Variants in EPHB1 observed in about 807,000 individuals in gnomAD.
EPHB1 encodes the protein ephrin type-B receptor 1.
EPHB1 carries 30 observed loss-of-function variants against 94.4 expected under a neutral mutation model. The ratio of observed to expected loss-of-function variants is 0.32; its 90% CI spans 0.24 to 0.43. EPHB1 has a LOEUF of 0.43. Among genes scored for constraint, EPHB1 ranks in the 20% least tolerant of loss-of-function variants. EPHB1 has a pLI of 1.00. For missense variants in EPHB1, 1,055 were observed against 1,308.3 expected (o/e 0.81, Z 2.99); for synonymous variants, 522 against 489.1 (o/e 1.07, Z -0.89).
intron 5 of EPHB1, among the ~76,000 whole-genome samples, chr3:135,148,986 TTCTTTGC>T: frequency 6.6e-6 from 1 of 152,380 alleles, no homozygotes; most frequent in East Asian, 1.9e-4. Context: ...GATGACACTC[TTCTTTGC>T]TCTTTGCTCT....
At chr3:134,861,906 A>T (rs546287519) in intron 1 of EPHB1, among the ~76,000 whole-genome samples, 27 of 152,226 alleles carry the variant, frequency 1.8e-4, no homozygotes, top group African/African-American at 6.3e-4. Context: ...AAAAAAGAGA[A>T]TAGCTTATGT....
At chr3:135,203,264 G>A (rs2107713667) in intron 12 of EPHB1, among the ~76,000 whole-genome samples, 1 of 152,272 alleles carries the variant, frequency 6.6e-6, no homozygotes, top group Middle Eastern at 3.4e-3. Context: ...GGAGCAAGGG[G>A]AGGGAGAGCA....
At chr3:135,070,930 A>G (rs1307983540) in intron 3 of EPHB1, among the ~76,000 whole-genome samples, 1 of 152,160 alleles carries the variant, frequency 6.6e-6, no homozygotes, top group East Asian at 1.9e-4. Flanking sequence ...TGCACATAGT[A>G]AAAAATGATG....
intron 1 of EPHB1, among the ~76,000 whole-genome samples, chr3:134,811,242 G>T (rs1294480899): frequency 5.4e-5 from 4 of 73,896 alleles, no homozygotes; most frequent in Admixed American, 2.0e-4. Context: ...TACTAAGAAG[G>T]TTTTTTTTTT....
chr3:135,092,596 A>G (rs886293902), intron 3 of EPHB1, among the ~76,000 whole-genome samples: 2 of 152,094 alleles, frequency 1.3e-5, no homozygotes, highest in African/African-American at 4.8e-5. Flanking sequence ...TCTGGAGTCC[A>G]ACAACTTTCC....
At chr3:135,153,785 T>C (rs1269051986) in intron 5 of EPHB1, among the ~76,000 whole-genome samples, 1 of 152,110 alleles carries the variant, frequency 6.6e-6, no homozygotes, top group East Asian at 1.9e-4. Context: ...AAGACTGAGG[T>C]TCCTTCAACA....
intron 3 of EPHB1, among the ~76,000 whole-genome samples, chr3:135,054,262 G>T (rs1327335113): frequency 6.6e-6 from 1 of 152,134 alleles, no homozygotes; most frequent in East Asian, 1.9e-4. Flanking sequence ...AATTCTGCCA[G>T]CAGACTTCCT....
chr3:134,957,392 C>T (rs1204641103), intron 3 of EPHB1, among the ~76,000 whole-genome samples: 2 of 152,274 alleles, frequency 1.3e-5, no homozygotes, highest in South Asian at 4.1e-4. Context: ...CAGGATGAAC[C>T]TGGGTGCCTG....
intron 6 of EPHB1, among the ~76,000 whole-genome samples, chr3:135,161,744 A>G (rs192247602): frequency 1.7e-4 from 26 of 152,298 alleles, no homozygotes; most frequent in African/African-American, 5.5e-4. Flanking sequence ...GAGAATGACA[A>G]TAAGCTTCCT....
chr3:135,255,191 G>GT (rs1389313483), intron 15 of EPHB1, among the ~76,000 whole-genome samples: 3 of 151,860 alleles, frequency 2.0e-5, no homozygotes, highest in Admixed American at 6.6e-5. Flanking sequence ...TTTTTGAAGG[G>GT]TTTTTTATGT....
chr3:135,140,991 A>G (rs1450146983), intron 5 of EPHB1, among the ~76,000 whole-genome samples: 1 of 152,154 alleles, frequency 6.6e-6, no homozygotes. Context: ...AATAAAGGCA[A>G]TGCTGGACCA....
chr3:135,100,047 A>G (rs990962233), intron 3 of EPHB1, among the ~76,000 whole-genome samples: 4 of 152,332 alleles, frequency 2.6e-5, no homozygotes, highest in Admixed American at 2.0e-4. Flanking sequence ...ATTCATTGGC[A>G]TGAACCTTTG....
chr3:134,971,999 A>G (rs1370959514), intron 3 of EPHB1, among the ~76,000 whole-genome samples: 1 of 152,178 alleles, frequency 6.6e-6, no homozygotes, highest in African/African-American at 2.4e-5. Context: ...GAAGACTCCC[A>G]TTAACACTTA....
At position 135,144,131 on chromosome 3, in the gene EPHB1, G is replaced by C. The variant is rs1466183200; in HGVS notation, c.1298-10021G>C. On this transcript the variant is annotated intron_variant, in intron 5 of 15. Transcript: ENST00000398015. The stretch of plus-strand genomic sequence containing the variant: ...GGCTCTGGAAATGCAGAGTGCATGA[G>C]TTGTGGGGAGGGAGCCCTACACTGA... Among the ~76,000 whole-genome samples, 6 of 152,168 alleles carry C rather than the reference G, an allele frequency of 3.9e-5. No homozygotes were observed. In the East Asian group the frequency reaches 1.2e-3, roughly 29 times the overall value.
chr3:134,813,827 C>A (rs2036219005), intron 1 of EPHB1, among the ~76,000 whole-genome samples: 1 of 152,174 alleles, frequency 6.6e-6, no homozygotes, highest in Non-Finnish European at 1.5e-5. Flanking sequence ...GGGGAGGTGA[C>A]ACATGACAAG....
intron 5 of EPHB1, among the ~76,000 whole-genome samples, chr3:135,139,295 A>C (rs1294674455): frequency 6.6e-6 from 1 of 152,226 alleles, no homozygotes; most frequent in Non-Finnish European, 1.5e-5. Context: ...ATGATGCTAC[A>C]AGCCCTGATC....
intron 5 of EPHB1, among the ~76,000 whole-genome samples, chr3:135,134,100 G>A (rs1343129832): frequency 2.0e-5 from 3 of 152,264 alleles, no homozygotes; most frequent in Non-Finnish European, 2.9e-5. Context: ...CGGGGTTACC[G>A]TGCAAGGCTG....
At chr3:135,235,564 G>A (rs984729486) in intron 12 of EPHB1, among the ~76,000 whole-genome samples, 6 of 152,112 alleles carry the variant, frequency 3.9e-5, no homozygotes, top group Non-Finnish European at 5.9e-5. Flanking sequence ...GCACCACTCC[G>A]AGAAATTCGA....
intron 3 of EPHB1, among the ~76,000 whole-genome samples, chr3:135,003,054 G>T (rs1935245247): frequency 6.6e-6 from 1 of 152,102 alleles, no homozygotes; most frequent in South Asian, 2.1e-4. Context: ...TGATGTTAGG[G>T]TGTCAATTTT....
Sources: allele counts gnomAD v4.1 joint callset (sites outside exome capture counted in the v4.1 genomes callset), GRCh38; gene constraint gnomAD v4.1.1; transcripts MANE v1.5; gene names NCBI Gene and HGNC (gene_info 2026-07-23, HGNC 2026-07-21).